Variants in SMAP2 observed in about 807,000 individuals in gnomAD.
SMAP2 encodes small ArfGAP2, also known as stromal membrane-associated protein 2.
Under a neutral mutation model 56.4 loss-of-function variants are expected in SMAP2, and 25 were observed. The ratio of observed to expected loss-of-function variants is 0.44; its 90% CI spans 0.32 to 0.62. The LOEUF is 0.62. Ranked by LOEUF, SMAP2 falls within the 20% of genes least tolerant of loss-of-function variation. The probability of loss-of-function intolerance (pLI) is 0.04; values close to 1 mark genes in which losing one functional copy is unlikely to be tolerated. For synonymous variants in SMAP2, 157 were observed against 181.7 expected (o/e 0.86, Z 1.09); for missense variants, 388 against 545.6 (o/e 0.71, Z 2.88).
chr1:40,362,710 C>G (rs1644464572), intron 2 of SMAP2, among the ~76,000 whole-genome samples: 1 of 152,144 alleles, frequency 6.6e-6, no homozygotes, highest in African/African-American at 2.4e-5. Flanking sequence ...GGGCAATTTC[C>G]TATCATTACA....
At chr1:40,360,004 C>CTTTTTTTTTTTTTTTTTTTTTTT (rs775408458) in intron 1 of SMAP2, among the ~76,000 whole-genome samples, 1 of 102,486 alleles carries the variant, frequency 9.8e-6, no homozygotes, top group Non-Finnish European at 1.8e-5. Flanking sequence ...CTTCTTCTTT[C>CTTTTTTTTTTTTTTTTTTTTTTT]TTTTTTTTTT....
chr1:40,417,385 T>C (rs1294605227), intron 9 of SMAP2, among the ~76,000 whole-genome samples: 2 of 152,148 alleles, frequency 1.3e-5, no homozygotes, highest in African/African-American at 4.8e-5. Context: ...GTACAAACAA[T>C]GAATGCAGAT....
In SMAP2 at chr1:40,422,098, A is replaced by C. The variant is rs1380489350; in HGVS notation, c.1287A>C (p.Lys429Asn). The change falls in exon 10 of 10, where the codon AAA becomes AAC. Residue 429 changes from lysine (K) to asparagine (N), a missense_variant. Lys to Asn is a moderately conservative substitution (Grantham distance 94). Coordinates refer to ENST00000372718, the MANE Select transcript of SMAP2 (RefSeq NM_022733.3). The part of the protein sequence containing the change: ...ANQTLSPQMW[K>N] Reference sequence around the variant, plus strand: ...AGACTCTCAGTCCTCAGATGTGGAAATAAAAACAAAACACCTGTATGGCTG... The same window carrying C: ...AGACTCTCAGTCCTCAGATGTGGAACTAAAAACAAAACACCTGTATGGCTG... The C allele has an allele frequency of 3.1e-6, 5 of 1,613,956 alleles. No homozygotes were observed. The highest frequency in any genetic ancestry group is 4.2e-6 in the Non-Finnish European group (5 of 1,180,002).
chr1:40,354,865 C>T (rs976833070), intron 1 of SMAP2, among the ~76,000 whole-genome samples: 1 of 136,728 alleles, frequency 7.3e-6, no homozygotes, highest in African/African-American at 2.8e-5. Context: ...CTCACTCCAA[C>T]CTCCACCTCC....
intron 1 of SMAP2, among the ~76,000 whole-genome samples, chr1:40,345,998 A>G (rs1644384848): frequency 1.0e-5 from 1 of 98,546 alleles, no homozygotes; most frequent in Non-Finnish European, 1.9e-5. Context: ...TTTTTTTAAG[A>G]GACAGGTCTT....
At position 40,358,430 on chromosome 1, in the gene SMAP2, G is replaced by C. The variant is rs1216329895; in HGVS notation, c.-82-3870G>C. Among the ~76,000 whole-genome samples the C allele has an allele frequency of 2.6e-5, 4 of 152,262 alleles. No homozygotes were observed. The East Asian group carries it at 7.7e-4, about 29-fold the overall frequency. On this transcript the variant is annotated intron_variant, in intron 1 of 6. Coordinates refer to the SMAP2 transcript ENST00000435168. ...GTGGTGGTGGACATGTGTAATCCCAGCTACTTGGGAGGCTAAGGCAGGAGA... is the reference window on the plus strand; with the variant it reads ...GTGGTGGTGGACATGTGTAATCCCACCTACTTGGGAGGCTAAGGCAGGAGA...
At chr1:40,381,468 C>G (rs1022297973) in intron 1 of SMAP2, among the ~76,000 whole-genome samples, 5 of 152,090 alleles carry the variant, frequency 3.3e-5, no homozygotes, top group African/African-American at 1.2e-4. Context: ...TATGACTTTG[C>G]CAAGCTAATT....
intron 1 of SMAP2, among the ~76,000 whole-genome samples, chr1:40,378,992 T>C (rs1292878275): frequency 6.6e-6 from 1 of 151,412 alleles, no homozygotes; most frequent in African/African-American, 2.4e-5. Context: ...TTTTTTTTTT[T>C]TTTTGAGACA....
At chr1:40,373,617 C>T (rs1644512844), upstream of SMAP2, 1 of 154,114 alleles carries the variant, frequency 6.5e-6, no homozygotes, top group Non-Finnish European at 1.4e-5. Flanking sequence ...GGATTGGTTC[C>T]CGAGAGGCGG....
At chr1:40,394,350 C>G (rs988187744) in intron 1 of SMAP2, among the ~76,000 whole-genome samples, 1 of 152,120 alleles carries the variant, frequency 6.6e-6, no homozygotes, top group African/African-American at 2.4e-5. Flanking sequence ...TGAAAACTTA[C>G]GGGGATCCAC....
chr1:40,350,757 A>G (rs1428397076), intron 1 of SMAP2, among the ~76,000 whole-genome samples: 1 of 152,182 alleles, frequency 6.6e-6, no homozygotes, highest in Non-Finnish European at 1.5e-5. Flanking sequence ...TAAACTCAGG[A>G]ATTAATTGGA....
intron 1 of SMAP2, among the ~76,000 whole-genome samples, chr1:40,392,036 A>G (rs919718090): frequency 2.0e-5 from 3 of 152,164 alleles, no homozygotes; most frequent in Non-Finnish European, 4.4e-5. Flanking sequence ...TTGCCCAGCT[A>G]TTAGCTCAGC....
intron 1 of SMAP2, among the ~76,000 whole-genome samples, chr1:40,389,918 C>T (rs3766413): frequency 0.21 from 30,113 of 144,370 alleles, 3,482 homozygotes; most frequent in Middle Eastern, 0.32. Flanking sequence ...ACCCACTCCC[C>T]TCCCCCGCCC....
intron 1 of SMAP2, chr1:40,403,553 G>A (rs1488950273): frequency 8.7e-6 from 4 of 461,676 alleles, no homozygotes; most frequent in Non-Finnish European, 8.5e-6. Context: ...ATAGAGTGTT[G>A]GTATATATTA....
intron 8 of SMAP2, among the ~76,000 whole-genome samples, chr1:40,416,555 G>T (rs766232536): frequency 1.3e-5 from 2 of 152,158 alleles, no homozygotes; most frequent in African/African-American, 4.8e-5. Flanking sequence ...GTGAAGTCTA[G>T]CTCAAGGTCT....
intron 8 of SMAP2, 70 bp downstream of exon 8, chr1:40,416,411 T>C (rs977259973): frequency 3.3e-6 from 5 of 1,533,768 alleles, no homozygotes; most frequent in Middle Eastern, 1.7e-4. Flanking sequence ...GAATTATTTA[T>C]TGTGACAGAG....
At chr1:40,359,384 T>C (rs775110744) in intron 1 of SMAP2, among the ~76,000 whole-genome samples, 8 of 152,236 alleles carry the variant, frequency 5.3e-5, no homozygotes, top group Non-Finnish European at 1.0e-4. Flanking sequence ...ATTACAGGCA[T>C]GAGCCACCGC....
intron 9 of SMAP2, among the ~76,000 whole-genome samples, chr1:40,420,631 G>A (rs961092624): frequency 6.6e-6 from 1 of 152,284 alleles, no homozygotes; most frequent in East Asian, 1.9e-4. Context: ...TCAGCCAAGT[G>A]ATCAAACATA....
chr1:40,357,264 G>A (rs1644440258), intron 1 of SMAP2, among the ~76,000 whole-genome samples: 1 of 152,166 alleles, frequency 6.6e-6, no homozygotes, highest in South Asian at 2.1e-4. Context: ...AGACCAGCCT[G>A]GACAACATGG....
Sources: gnomAD v4.1 joint callset for allele counts (sites outside exome capture counted in the v4.1 genomes callset) on GRCh38, gnomAD v4.1.1 for gene constraint, MANE v1.5 for transcripts, NCBI Gene and HGNC (gene_info 2026-07-23, HGNC 2026-07-21) for gene names.